GRID1: variants seen among roughly 807,000 people sequenced by gnomAD.
GRID1 encodes the protein glutamate receptor ionotropic, delta-1.
In GRID1, 28 loss-of-function variants were observed where a neutral mutation model predicts 98.0. The ratio of observed to expected loss-of-function variants is 0.29; its 90% CI spans 0.21 to 0.39. The LOEUF (loss-of-function observed/expected upper bound fraction) is 0.39, where lower values mean the gene tolerates loss of function less well. GRID1 is among the 10% of genes least tolerant of loss of function. The pLI, the probability that GRID1 is intolerant of heterozygous loss-of-function variation, is 1.00. For missense variants in GRID1, 1,111 were observed against 1,340.5 expected (o/e 0.83, Z 2.67); for synonymous variants, 553 against 538.5 (o/e 1.03, Z -0.37).
chr10:86,358,577 T>C (rs1848562863), intron 2 of GRID1, among the ~76,000 whole-genome samples: 1 of 151,580 alleles, frequency 6.6e-6, no homozygotes, highest in African/African-American at 2.4e-5. Context: ...GCTAACACAG[T>C]GAAATCCCGT....
chr10:86,188,563 A>G (rs1845757207), intron 3 of GRID1, among the ~76,000 whole-genome samples: 1 of 151,872 alleles, frequency 6.6e-6, no homozygotes, highest in Non-Finnish European at 1.5e-5. Flanking sequence ...CAAGGCATAC[A>G]GGAAGAATGC....
intron 3 of GRID1, among the ~76,000 whole-genome samples, chr10:86,140,131 G>C (rs1055292664): frequency 1.2e-4 from 18 of 152,198 alleles, no homozygotes; most frequent in Admixed American, 1.2e-3. Flanking sequence ...GTGCAGCCCA[G>C]AGTCTCAATC....
chr10:85,786,393 T>C (rs1448521442), intron 8 of GRID1, among the ~76,000 whole-genome samples: 2 of 152,208 alleles, frequency 1.3e-5, no homozygotes. Flanking sequence ...AGATAACCTG[T>C]TCCGAGGGAA....
chr10:85,734,863 GA>G (rs1841862130), intron 8 of GRID1, among the ~76,000 whole-genome samples: 1 of 150,998 alleles, frequency 6.6e-6, no homozygotes, highest in Non-Finnish European at 1.5e-5. Context: ...TAATCCAGTG[GA>G]ATTTTTTTTA....
chr10:85,925,463 G>C (rs1841761860), intron 4 of GRID1, among the ~76,000 whole-genome samples: 1 of 152,230 alleles, frequency 6.6e-6, no homozygotes, highest in Non-Finnish European at 1.5e-5. Flanking sequence ...ACAATCTCAT[G>C]ACTCGGTCCC....
rs549404777 is a variant in GRID1 at position 85,605,998 on chromosome 10, G to C, written c.2602-3297C>G. The C allele has an allele frequency of 5.9e-5, 9 of 152,352 alleles. No individual in the cohort carries two copies. The East Asian group carries it at 1.7e-3, about 29-fold the overall frequency. 9.4% of individuals were successfully genotyped at this position (152,352 alleles called of 1,614,324 possible). A position where few individuals can be genotyped will look rare whatever the true frequency, so the allele number is the denominator to read the frequency against. On this transcript the variant is annotated intron_variant, in intron 15 of 15. Transcript: ENST00000327946. Reference sequence around the variant, plus strand: ...ACTGGAGCATGGTGGATTGTCAAGTGCCAAGCTGGAATAGTAAACGTGGTG... The same window carrying C: ...ACTGGAGCATGGTGGATTGTCAAGTCCCAAGCTGGAATAGTAAACGTGGTG...
At chr10:85,966,945 A>G (rs1329879956) in intron 4 of GRID1, among the ~76,000 whole-genome samples, 2 of 152,220 alleles carry the variant, frequency 1.3e-5, no homozygotes, top group African/African-American at 2.4e-5. Flanking sequence ...TTGAATTGTA[A>G]TAATCCCCAT....
intron 8 of GRID1, 83 bp downstream of exon 8, chr10:85,854,413 G>C: frequency 3.2e-6 from 4 of 1,252,788 alleles, no homozygotes; most frequent in Non-Finnish European, 4.6e-6. Flanking sequence ...AACAGTTGCT[G>C]GGAGCTCAGG....
At chr10:86,241,313 C>G (rs76316062) in intron 2 of GRID1, among the ~76,000 whole-genome samples, 1 of 152,250 alleles carries the variant, frequency 6.6e-6, no homozygotes, top group African/African-American at 2.4e-5. Context: ...CCTCTCTGTC[C>G]TAGCCCTTCA....
intron 6 of GRID1, among the ~76,000 whole-genome samples, chr10:85,863,785 G>A (rs1472749030): frequency 6.6e-6 from 1 of 152,224 alleles, no homozygotes; most frequent in Non-Finnish European, 1.5e-5. Context: ...AGCAGCACAT[G>A]CCTTCTCTGT....
At chr10:85,698,277 T>A (rs1185408938) in intron 12 of GRID1, among the ~76,000 whole-genome samples, 1 of 152,202 alleles carries the variant, frequency 6.6e-6, no homozygotes, top group Non-Finnish European at 1.5e-5. Flanking sequence ...ACGGCAATGA[T>A]CCATGTATAA....
At chr10:85,843,737 C>T (rs1842981386) in intron 8 of GRID1, among the ~76,000 whole-genome samples, 1 of 151,950 alleles carries the variant, frequency 6.6e-6, no homozygotes, top group Non-Finnish European at 1.5e-5. Context: ...ATTAAAGCCA[C>T]AATAAGATAT....
intron 4 of GRID1, among the ~76,000 whole-genome samples, chr10:86,120,877 C>T (rs1844654986): frequency 6.6e-6 from 1 of 152,052 alleles, no homozygotes; most frequent in African/African-American, 2.4e-5. Flanking sequence ...CCGGCTGCCA[C>T]CAACCTCCAA....
intron 4 of GRID1, among the ~76,000 whole-genome samples, chr10:85,970,948 T>G (rs74396803): frequency 6.6e-6 from 1 of 151,992 alleles, no homozygotes; most frequent in African/African-American, 2.4e-5. Context: ...TCCTAAGATA[T>G]TCACACAAAA....
At chr10:85,676,568 C>G (rs1177404251) in intron 12 of GRID1, among the ~76,000 whole-genome samples, 3 of 152,196 alleles carry the variant, frequency 2.0e-5, no homozygotes, top group Admixed American at 2.0e-4. Flanking sequence ...CAACTACAGG[C>G]AAGAAAGCTT....
Position 86,102,270 on chromosome 10 carries a change from G to A in GRID1, c.726+36549C>T, listed in dbSNP as rs116182698. ...AAGCAGGAAGGCAGGTCAGGAGGCT[G>A]ATGCCAGCAATGGCTTAGACCAGGG... On this transcript the variant is annotated intron_variant, in intron 4 of 15. Transcript: ENST00000327946. Among the ~76,000 whole-genome samples, 1,234 of 152,394 alleles carry A rather than the reference G, an allele frequency of 8.1e-3. 19 individuals are homozygous for A. Among genetic ancestry groups the A allele is most frequent in the African/African-American group, 0.027 (1,133 of 41,600 alleles).
chr10:86,128,178 G>GA (rs11368589), intron 4 of GRID1, among the ~76,000 whole-genome samples: 64,617 of 151,952 alleles, frequency 0.43, 16,856 homozygotes, highest in African/African-American at 0.73. Context: ...TTTCCTCTGT[G>GA]AGAGGAGAAT....
chr10:86,175,385 C>A (rs1845560946), intron 3 of GRID1, among the ~76,000 whole-genome samples: 1 of 152,072 alleles, frequency 6.6e-6, no homozygotes, highest in Non-Finnish European at 1.5e-5. Flanking sequence ...CCTAAGTTAC[C>A]CTCTGTCTTT....
At position 85,808,395 on chromosome 10, in the gene GRID1, T is replaced by C. The variant is rs115722272; in HGVS notation, c.1233+46101A>G. Among the ~76,000 whole-genome samples, 10 of 152,204 alleles carry C rather than the reference T, an allele frequency of 6.6e-5. No homozygotes were observed. The East Asian group carries it at 1.7e-3, about 26-fold the overall frequency. ...TGAAATTAAAAAGAAGTCCAAAATATCTCTGTAAAAATTGCAAACTCTTGG... is the reference window on the plus strand; with the variant it reads ...TGAAATTAAAAAGAAGTCCAAAATACCTCTGTAAAAATTGCAAACTCTTGG... On this transcript the variant is annotated intron_variant, in intron 8 of 15. Coordinates refer to ENST00000327946, the MANE Select transcript of GRID1 (RefSeq NM_017551.3).
Sources: gnomAD v4.1 joint callset for allele counts (sites outside exome capture counted in the v4.1 genomes callset) on GRCh38, gnomAD v4.1.1 for gene constraint, MANE v1.5 for transcripts, NCBI Gene and HGNC (gene_info 2026-07-23, HGNC 2026-07-21) for gene names.